GPC6: variants seen among roughly 807,000 people sequenced by gnomAD.
GPC6 encodes the protein glypican 6.
In GPC6, 14 loss-of-function variants were observed where a neutral mutation model predicts 55.2. That is an observed-to-expected ratio of 0.25 (90% CI 0.17 to 0.40). GPC6 has a LOEUF of 0.40. GPC6 is among the 10% of genes least tolerant of loss of function. The pLI, the probability that GPC6 is intolerant of heterozygous loss-of-function variation, is 1.00. For missense variants in GPC6, 641 were observed against 708.5 expected, an observed-to-expected ratio of 0.90 and a Z score of 1.08; for synonymous variants, 278 against 259.6, an observed-to-expected ratio of 1.07 and a Z score of -0.68.
At chr13:93,294,299 A>G (rs938863105) in intron 1 of GPC6, among the ~76,000 whole-genome samples, 3 of 152,184 alleles carry the variant, frequency 2.0e-5, no homozygotes, top group African/African-American at 4.8e-5. Flanking sequence ...TCCCAAAGAC[A>G]TAATCTGGTT....
At chr13:94,075,436 G>T (rs1476863097) in intron 4 of GPC6, among the ~76,000 whole-genome samples, 1 of 151,324 alleles carries the variant, frequency 6.6e-6, no homozygotes, top group Non-Finnish European at 1.5e-5. Context: ...TTGTGTGCAG[G>T]TGTGTGTGTG....
chr13:94,127,952 C>A lies in GPC6; in HGVS notation c.877+100058C>A, dbSNP rs564870541. Reference sequence around the variant, plus strand: ...TTAGAAGGTGCTTAATAAGGAAAGGCTTAAGCAAAGGGAGTTAGATTGCCT... The same window carrying A: ...TTAGAAGGTGCTTAATAAGGAAAGGATTAAGCAAAGGGAGTTAGATTGCCT... On this transcript the variant is annotated intron_variant, in intron 4 of 8. Transcript: ENST00000377047. Among the ~76,000 whole-genome samples, 40 of 152,256 alleles carry A rather than the reference C, an allele frequency of 2.6e-4. No individual in the cohort carries two copies. The South Asian group carries it at 8.1e-3, about 31-fold the overall frequency.
chr13:93,391,227 C>T (rs959023644), intron 1 of GPC6, among the ~76,000 whole-genome samples: 15 of 151,956 alleles, frequency 9.9e-5, no homozygotes, highest in African/African-American at 1.9e-4. Flanking sequence ...ATTTAGAAAA[C>T]GATTATCCTC....
At chr13:93,354,514 C>CT (rs1566313624) in intron 1 of GPC6, among the ~76,000 whole-genome samples, 1 of 118,862 alleles carries the variant, frequency 8.4e-6, no homozygotes, top group African/African-American at 3.7e-5. Flanking sequence ...CCACACTCGG[C>CT]TATTATTTTT....
chr13:93,585,019 T>C (rs1420114525), intron 2 of GPC6, among the ~76,000 whole-genome samples: 1 of 152,184 alleles, frequency 6.6e-6, no homozygotes, highest in Non-Finnish European at 1.5e-5. Flanking sequence ...CCAACCTATT[T>C]CTTTAACAAG....
intron 4 of GPC6, among the ~76,000 whole-genome samples, chr13:94,253,746 A>T (rs1339665271): frequency 6.6e-6 from 1 of 152,120 alleles, no homozygotes; most frequent in Non-Finnish European, 1.5e-5. Context: ...CCAAGACTAG[A>T]TCAGGGCTTG....
At chr13:94,199,509 G>A (rs756614641) in intron 4 of GPC6, among the ~76,000 whole-genome samples, 1 of 152,108 alleles carries the variant, frequency 6.6e-6, no homozygotes, top group Non-Finnish European at 1.5e-5. Context: ...TTCACTCCAC[G>A]GAGTGATGAT....
chr13:94,065,184 T>A (rs1884473873), intron 4 of GPC6, among the ~76,000 whole-genome samples: 1 of 152,198 alleles, frequency 6.6e-6, no homozygotes. Flanking sequence ...GCATATGCTT[T>A]GCCTGTTAAT....
intron 1 of GPC6, among the ~76,000 whole-genome samples, chr13:93,403,609 C>T (rs1002633381): frequency 6.6e-6 from 1 of 152,058 alleles, no homozygotes; most frequent in African/African-American, 2.4e-5. Flanking sequence ...TATTGCAATC[C>T]ACCACTAAAC....
intron 2 of GPC6, among the ~76,000 whole-genome samples, chr13:93,640,274 T>C (rs1333287825): frequency 6.6e-6 from 1 of 152,148 alleles, no homozygotes; most frequent in Non-Finnish European, 1.5e-5. Context: ...TTGGAGATTA[T>C]ACCAGCATGT....
intron 2 of GPC6, among the ~76,000 whole-genome samples, chr13:93,547,586 C>T (rs544179343): frequency 1.3e-5 from 2 of 152,170 alleles, no homozygotes; most frequent in South Asian, 2.1e-4. Flanking sequence ...TTTGACAGGA[C>T]ATTGATTTTG....
rs576110810 is a variant in GPC6 at position 93,497,784 on chromosome 13, A to G, written c.161-47479A>G. Among the ~76,000 whole-genome samples, 4 of 152,378 alleles carry G rather than the reference A, an allele frequency of 2.6e-5. No homozygotes were observed. In the South Asian group the frequency reaches 6.2e-4, roughly 24 times the overall value. The stretch of plus-strand genomic sequence containing the variant: ...CCTGTATTAACTGAACCATAGAACC[A>G]GTAATGGTGATCATGACAAATAAAT... On this transcript the variant is annotated intron_variant, in intron 1 of 8. Coordinates refer to ENST00000377047, the MANE Select transcript of GPC6 (RefSeq NM_005708.5).
At chr13:93,654,927 C>T (rs1011736873) in intron 2 of GPC6, among the ~76,000 whole-genome samples, 2 of 150,896 alleles carry the variant, frequency 1.3e-5, no homozygotes, top group Non-Finnish European at 2.9e-5. Flanking sequence ...AGCTCCGCCT[C>T]CCGGGTTCAC....
intron 2 of GPC6, among the ~76,000 whole-genome samples, chr13:93,702,434 C>T (rs1882703566): frequency 6.6e-6 from 1 of 151,786 alleles, no homozygotes; most frequent in South Asian, 2.1e-4. Context: ...TTCTTAAGGG[C>T]CCTAGGATTT....
chr13:93,391,867 A>G (rs1354558400), intron 1 of GPC6, among the ~76,000 whole-genome samples: 2 of 152,160 alleles, frequency 1.3e-5, no homozygotes, highest in South Asian at 4.2e-4. Flanking sequence ...TTTCCTATAG[A>G]TGGACCCTCA....
chr13:93,758,348 G>A (rs1884847340), intron 2 of GPC6, among the ~76,000 whole-genome samples: 1 of 152,020 alleles, frequency 6.6e-6, no homozygotes, highest in African/African-American at 2.4e-5. Flanking sequence ...AGGTATTGAG[G>A]GAGAAAGTCT....
chr13:93,570,962 G>A (rs757917131), intron 2 of GPC6, among the ~76,000 whole-genome samples: 4 of 152,034 alleles, frequency 2.6e-5, no homozygotes, highest in Non-Finnish European at 5.9e-5. Flanking sequence ...CGAGAGTCCT[G>A]ATGTTGGTCT....
At position 93,701,144 on chromosome 13, in the gene GPC6, C is replaced by T. The variant is rs113080254; in HGVS notation, c.320-129010C>T. 9.0e-3 allele frequency among the ~76,000 whole-genome samples: 1,376 copies of T among 152,188 alleles called. 33 individuals carry two copies. The highest frequency in any genetic ancestry group is 0.031 in the African/African-American group (1,304 of 41,548). ...ACAAGGAGAGGTTATAAAATATGCA[C>T]ATCCCAGGGACATTTCTGCATATAA... is the stretch of plus-strand genomic sequence containing the variant. On this transcript the variant is annotated intron_variant, in intron 2 of 8. Transcript: ENST00000377047.
chr13:94,245,917 T>C (rs1256548433), intron 4 of GPC6, among the ~76,000 whole-genome samples: 2 of 152,130 alleles, frequency 1.3e-5, no homozygotes, highest in Non-Finnish European at 2.9e-5. Context: ...AATTCTATTT[T>C]AATTTTCTTT....
Sources: allele counts gnomAD v4.1 joint callset (sites outside exome capture counted in the v4.1 genomes callset), GRCh38; gene constraint gnomAD v4.1.1; transcripts MANE v1.5; gene names NCBI Gene and HGNC (gene_info 2026-07-23, HGNC 2026-07-21).